The following AMBN variants were observed in gnomAD, a reference collection of about 807,000 sequenced individuals.
AMBN encodes ameloblastin.
In AMBN, 54 loss-of-function variants were observed where a neutral mutation model predicts 48.0. That is an observed-to-expected ratio of 1.12 (90% CI 0.90 to 1.41). The LOEUF is 1.41. Ranked by LOEUF, AMBN falls within the 40% of genes most tolerant of loss-of-function variation. The pLI, the probability that AMBN is intolerant of heterozygous loss-of-function variation, is 0.00. For synonymous variants in AMBN, 186 were observed against 190.0 expected (o/e 0.98, Z 0.17); for missense variants, 571 against 547.3 (o/e 1.04, Z -0.43).
intron 5 of AMBN, 52 bp from the exon 6 acceptor site, chr4:70,601,366 C>T (rs1024652554): frequency 9.6e-6 from 15 of 1,569,336 alleles, no homozygotes; most frequent in African/African-American, 1.4e-5. Flanking sequence ...TTCTAGGCAC[C>T]GTTGTTTAAT....
At chr4:70,593,277 T>G in intron 1 of AMBN, 50 bp from the exon 2 acceptor site, 4 of 1,474,366 alleles carry the variant, frequency 2.7e-6, no homozygotes, top group Non-Finnish European at 3.8e-6. Flanking sequence ...TTTTAACCAT[T>G]CTGAATAAAA....
In AMBN at chr4:70,602,784, T is replaced by A; in HGVS notation, c.571-14T>A. The A allele has an allele frequency of 6.4e-7, 1 of 1,566,030 alleles. No homozygotes were observed. Among genetic ancestry groups the A allele is most frequent in the Non-Finnish European group, 8.7e-7 (1 of 1,154,022 alleles). On this transcript the variant is annotated splice_polypyrimidine_tract_variant and intron_variant, in intron 7 of 12. Transcript: ENST00000322937. ...ATTTTTTACTGATAATTTTAATATTTATCTACAATATAGCTCCCAGGAATG... is the reference window on the plus strand; with the variant it reads ...ATTTTTTACTGATAATTTTAATATTAATCTACAATATAGCTCCCAGGAATG...
chr4:70,603,801 A>G, intron 11 of AMBN, 76 bp from the exon 12 acceptor site: 9 of 1,512,208 alleles, frequency 6.0e-6, no homozygotes, highest in Non-Finnish European at 8.3e-6. Flanking sequence ...TGAAAACTAA[A>G]TAACTTTTAA....
At position 70,602,714 on chromosome 4, in the gene AMBN, A is replaced by G. The variant is rs942797138; in HGVS notation, c.570+52A>G. The G allele has an allele frequency of 6.1e-6, 9 of 1,487,416 alleles. No homozygotes were observed. In the Admixed American group the frequency reaches 1.3e-4, roughly 22 times the overall value. The allele number at this position is 1,487,416 out of a possible 1,614,324, so 92.1% of individuals were successfully genotyped here. A position where few individuals can be genotyped will look rare whatever the true frequency, so the allele number is the denominator to read the frequency against. On this transcript the variant is annotated intron_variant, in intron 7 of 12. Coordinates refer to ENST00000322937, the MANE Select transcript of AMBN (RefSeq NM_016519.6). The stretch of plus-strand genomic sequence containing the variant: ...TTCTGTATTTTATTTTTTAATTTTT[A>G]TTTGTTCACTTTTTTATTTTTATTT...
intron 5 of AMBN, among the ~76,000 whole-genome samples, chr4:70,601,197 C>T (rs4694075): frequency 0.52 from 79,013 of 151,898 alleles, 21,328 homozygotes; most frequent in African/African-American, 0.65. Flanking sequence ...TTCACCTTTA[C>T]GAGCAATGGT....
intron 5 of AMBN, 142 bp from the exon 6 acceptor site, chr4:70,601,276 G>A: frequency 1.2e-6 from 1 of 820,134 alleles, no homozygotes; most frequent in Admixed American, 2.3e-5. Flanking sequence ...ACTGGTGCTT[G>A]CTATGTAAAC....
In AMBN at chr4:70,606,958, TTAA is replaced by T; in HGVS notation, c.*232_*234del. ...TTGTCTCTGTGATTTAGAAACACTA[TTAA>T]TAACATCAGAGCAAGGTTCTAAGGG... On this transcript the variant is annotated 3_prime_UTR_variant, in exon 13 of 13. Transcript: ENST00000322937. 1 of 531,938 alleles carries T rather than the reference TTAA, an allele frequency of 1.9e-6. No individual in the cohort carries two copies. The allele number at this position is 531,938 out of a possible 1,614,324, so 33.0% of individuals were successfully genotyped here.
intron 5 of AMBN, among the ~76,000 whole-genome samples, chr4:70,600,614 C>G (rs917186082): frequency 6.6e-6 from 1 of 152,048 alleles, no homozygotes; most frequent in Non-Finnish European, 1.5e-5. Context: ...CAAATTGTTG[C>G]GAGACTTCCT....
rs1577957051 is a variant in AMBN, at chr4:70,603,326, T to C, written c.708+7T>C. On this transcript the variant is annotated splice_region_variant and intron_variant, in intron 10 of 12. Coordinates refer to ENST00000322937, the MANE Select transcript of AMBN (RefSeq NM_016519.6). ...ACAAAATAAACAATCTCCAGTAAGT[T>C]TTTTTTAATACCACATCTCTGTTTG... 1.2e-6 allele frequency: 2 copies of C among 1,613,636 alleles called. No individual in the cohort carries two copies. Among genetic ancestry groups the C allele is most frequent in the South Asian group, 2.2e-5 (2 of 91,018 alleles).
intron 5 of AMBN, among the ~76,000 whole-genome samples, 182 bp from the exon 6 acceptor site, chr4:70,601,236 A>T (rs1465239028): frequency 6.6e-6 from 1 of 152,110 alleles, no homozygotes; most frequent in Non-Finnish European, 1.5e-5. Flanking sequence ...GGAGGCACAC[A>T]CAAGACCTCC....
At chr4:70,594,050 G>C (rs531420264) in intron 2 of AMBN, among the ~76,000 whole-genome samples, 1 of 152,228 alleles carries the variant, frequency 6.6e-6, no homozygotes, top group African/African-American at 2.4e-5. Flanking sequence ...GAAATGGAAA[G>C]AGGAAATTTC....
intron 2 of AMBN, among the ~76,000 whole-genome samples, chr4:70,595,190 C>T (rs902864027): frequency 4.2e-5 from 5 of 119,054 alleles, no homozygotes; most frequent in East Asian, 4.8e-4. Context: ...TCCCTCTATT[C>T]TTTTTTTTTT....
chr4:70,604,009 T>G, intron 12 of AMBN, 88 bp downstream of exon 12: 2 of 1,310,066 alleles, frequency 1.5e-6, no homozygotes, highest in Non-Finnish European at 1.1e-6. Context: ...CTGCCATGAA[T>G]GTAGCCAAAT....
intron 12 of AMBN, 60 bp from the exon 13 acceptor site, chr4:70,606,125 T>A: frequency 1.3e-6 from 2 of 1,570,666 alleles, no homozygotes; most frequent in Non-Finnish European, 1.7e-6. Flanking sequence ...CAGGTATAGC[T>A]GCATGGTATA....
chr4:70,593,413 G>T lies in AMBN; in HGVS notation c.84+18G>T. On this transcript the variant is annotated intron_variant, in intron 2 of 12. Coordinates refer to ENST00000322937, the MANE Select transcript of AMBN (RefSeq NM_016519.6). ...CAGTGCCGGTAAGTCAGTCTTTAGA[G>T]TGTGTCCCAGAAAAGGTTATTGATT... 6.3e-7 allele frequency: 1 copy of T among 1,596,632 alleles called. No individual in the cohort carries two copies. Among genetic ancestry groups the T allele is most frequent in the Non-Finnish European group, 8.6e-7 (1 of 1,164,520 alleles).
rs781082963 is a variant in AMBN at position 70,602,638 on chromosome 4, T to A, written c.546T>A (p.Asp182Glu). The A allele has an allele frequency of 1.6e-5, 25 of 1,578,874 alleles. No homozygotes were observed. The highest frequency in any genetic ancestry group is 5.3e-5 in the Admixed American group (3 of 56,806). Reference sequence around the variant, plus strand: ...CTGTGATATAGCTCCCAGGAGTAGATTTTGCTGATCCACAAGGTCCATCAG... The same window carrying A: ...CTGTGATATAGCTCCCAGGAGTAGAATTTGCTGATCCACAAGGTCCATCAG... ...KPPKPELPGVDFADPQGPSLP... is the reference protein window; with the variant it reads ...KPPKPELPGVEFADPQGPSLP... Residue 182 changes from aspartate to glutamate, a missense_variant, in exon 7 of 13, where the codon GAT becomes GAA. Physicochemically the swap from Asp to Glu is conservative, Grantham distance 45 (BLOSUM62 2). Coordinates refer to ENST00000322937, the MANE Select transcript of AMBN (RefSeq NM_016519.6).
intron 2 of AMBN, among the ~76,000 whole-genome samples, chr4:70,595,372 AGACGCG>A (rs1346939804): frequency 3.2e-4 from 49 of 151,784 alleles, no homozygotes; most frequent in Non-Finnish European, 6.3e-4. Context: ...ATTTTTGTAG[AGACGCG>A]GTTTCGCCAT....
chr4:70,597,183 G>A, intron 3 of AMBN, 134 bp downstream of exon 3: 1 of 656,636 alleles, frequency 1.5e-6, no homozygotes, highest in East Asian at 2.8e-5. Flanking sequence ...TGCTAGAAAA[G>A]TTATGACATT....
intron 9 of AMBN, 111 bp downstream of exon 9, chr4:70,603,121 G>A: frequency 1.4e-6 from 2 of 1,380,910 alleles, no homozygotes; most frequent in Non-Finnish European, 2.0e-6. Flanking sequence ...GAAGTATAAT[G>A]GGTTCCTTTG....
Sources: allele counts gnomAD v4.1 joint callset (sites outside exome capture counted in the v4.1 genomes callset), GRCh38; gene constraint gnomAD v4.1.1; transcripts MANE v1.5; gene names NCBI Gene and HGNC (gene_info 2026-07-23, HGNC 2026-07-21).